SLC38A4: variants seen among roughly 807,000 people sequenced by gnomAD.
The protein encoded by SLC38A4 is solute carrier family 38 member 4.
In SLC38A4, 20 loss-of-function variants were observed where a neutral mutation model predicts 63.1. The observed-to-expected ratio is 0.32, with a 90% CI of 0.22 to 0.46. The LOEUF (loss-of-function observed/expected upper bound fraction) is 0.46. Ranked by LOEUF, SLC38A4 falls within the 20% of genes least tolerant of loss-of-function variation. SLC38A4 has a pLI of 1.00. For missense variants in SLC38A4, 526 were observed against 663.6 expected (o/e 0.79, Z 2.28); for synonymous variants, 230 against 225.5 (o/e 1.02, Z -0.18).
chr12:46,778,647 C>T lies in SLC38A4; in HGVS notation c.847G>A (p.Val283Met). Residue 283 changes from valine (V) to methionine (M), a missense_variant, in exon 11 of 17, where the codon GTG (valine) becomes ATG (methionine). Val to Met is a conservative substitution (Grantham distance 21). Coordinates refer to ENST00000266579, the MANE Select transcript of SLC38A4 (RefSeq NM_018018.5). ...MLPNNSESSD[V>M]NFMMDYTHRN... ...TGGGTGTAATCCATCATGAAGTTCACATCAGAACTCTCAGAGTTGTTGGGT... is the reference window on the plus strand; with the variant it reads ...TGGGTGTAATCCATCATGAAGTTCATATCAGAACTCTCAGAGTTGTTGGGT... 2.5e-6 allele frequency: 4 copies of T among 1,613,034 alleles called. No individual in the cohort carries two copies. The highest frequency in any genetic ancestry group is 3.4e-6 in the Non-Finnish European group (4 of 1,179,408).
upstream of SLC38A4, among the ~76,000 whole-genome samples, chr12:46,830,044 C>A (rs1939708166): frequency 6.6e-6 from 1 of 151,076 alleles, no homozygotes; most frequent in African/African-American, 2.4e-5. Flanking sequence ...TCAGACCAGC[C>A]TCCAGCTTGC....
intron 4 of SLC38A4, 77 bp downstream of exon 4, chr12:46,788,451 A>G (rs780639566): frequency 1.2e-5 from 14 of 1,189,058 alleles, no homozygotes; most frequent in Non-Finnish European, 1.7e-5. Flanking sequence ...TTTCAGTCAC[A>G]TTGTTTTCCC....
At chr12:46,788,114 G>T in intron 4 of SLC38A4, 83 bp from the exon 5 acceptor site, 2 of 949,054 alleles carry the variant, frequency 2.1e-6, no homozygotes, top group South Asian at 1.6e-5. Context: ...CACATTATCT[G>T]CAGATTACAG....
intron 2 of SLC38A4, among the ~76,000 whole-genome samples, chr12:46,795,426 T>C (rs150448466): frequency 1.8e-4 from 27 of 152,234 alleles, no homozygotes; most frequent in African/African-American, 6.0e-4. Context: ...TGTATTTGAC[T>C]ACATAATAAG....
At chr12:46,776,726 C>A (rs1403714004) in intron 13 of SLC38A4, among the ~76,000 whole-genome samples, 178 bp downstream of exon 13, 1 of 151,936 alleles carries the variant, frequency 6.6e-6, no homozygotes, top group South Asian at 2.1e-4. Flanking sequence ...GTTAGCCAGG[C>A]TGAATCAGGC....
At chr12:46,819,003 G>C (rs550780685) in intron 1 of SLC38A4, among the ~76,000 whole-genome samples, 1 of 151,606 alleles carries the variant, frequency 6.6e-6, no homozygotes, top group Non-Finnish European at 1.5e-5. Context: ...GGCAACAGAA[G>C]AAGAAATGAC....
intron 2 of SLC38A4, among the ~76,000 whole-genome samples, chr12:46,801,776 T>C (rs924500550): frequency 1.3e-5 from 2 of 152,054 alleles, no homozygotes; most frequent in African/African-American, 4.8e-5. Flanking sequence ...TCCCCAACAA[T>C]GCCATTCTTG....
intron 1 of SLC38A4, among the ~76,000 whole-genome samples, chr12:46,819,913 A>G (rs930196460): frequency 6.6e-6 from 1 of 151,948 alleles, no homozygotes; most frequent in Non-Finnish European, 1.5e-5. Flanking sequence ...TTGTGCCATT[A>G]TAGATGAAAT....
upstream of SLC38A4, among the ~76,000 whole-genome samples, chr12:46,826,178 G>A (rs1038418094): frequency 6.6e-6 from 1 of 152,214 alleles, no homozygotes; most frequent in Non-Finnish European, 1.5e-5. Context: ...AGTACCGCGA[G>A]TGTACCCAGT....
At chr12:46,826,168 A>G (rs1488445783), upstream of SLC38A4, among the ~76,000 whole-genome samples, 1 of 152,232 alleles carries the variant, frequency 6.6e-6, no homozygotes. Flanking sequence ...ACATCTTTAT[A>G]GTACCGCGAG....
At chr12:46,783,994 A>G (rs1938703148) in intron 7 of SLC38A4, among the ~76,000 whole-genome samples, 1 of 151,948 alleles carries the variant, frequency 6.6e-6, no homozygotes, top group Admixed American at 6.6e-5. Flanking sequence ...ATTCAGTGGG[A>G]ATTATAAGAA....
intron 2 of SLC38A4, among the ~76,000 whole-genome samples, chr12:46,801,894 C>T (rs1473253404): frequency 6.6e-6 from 1 of 152,026 alleles, no homozygotes; most frequent in East Asian, 1.9e-4. Flanking sequence ...AAGAAACCAA[C>T]AATAACAGCA....
At chr12:46,829,384 A>G (rs1939700667), upstream of SLC38A4, among the ~76,000 whole-genome samples, 1 of 152,050 alleles carries the variant, frequency 6.6e-6, no homozygotes, top group Non-Finnish European at 1.5e-5. Flanking sequence ...GTTTTGATGT[A>G]TATAAAATAT....
intron 1 of SLC38A4, among the ~76,000 whole-genome samples, chr12:46,816,113 A>ACTTTTTCTTTTAAAGAAAC (rs1939437524): frequency 6.6e-6 from 1 of 151,924 alleles, no homozygotes; most frequent in African/African-American, 2.4e-5. Context: ...GATAAAGAAA[A>ACTTTTTCTTTTAAAGAAAC]CTTTTTCTTT....
At chr12:46,814,155 G>A (rs560465903) in intron 1 of SLC38A4, among the ~76,000 whole-genome samples, 2 of 152,016 alleles carry the variant, frequency 1.3e-5, no homozygotes, top group South Asian at 4.1e-4. Flanking sequence ...AATGACATTA[G>A]CAAAATAGAT....
intron 14 of SLC38A4, among the ~76,000 whole-genome samples, chr12:46,771,154 C>CA (rs1938408102): frequency 6.6e-6 from 1 of 152,058 alleles, no homozygotes; most frequent in African/African-American, 2.4e-5. Context: ...CTGAGGAAAG[C>CA]AAATGGTGTG....
At chr12:46,830,330 A>T (rs1939714521), upstream of SLC38A4, among the ~76,000 whole-genome samples, 1 of 145,172 alleles carries the variant, frequency 6.9e-6, no homozygotes, top group African/African-American at 2.6e-5. Flanking sequence ...ACACACACAC[A>T]CTCTTCTTGT....
At chr12:46,812,167 G>A (rs1351757453) in intron 1 of SLC38A4, among the ~76,000 whole-genome samples, 2 of 152,046 alleles carry the variant, frequency 1.3e-5, no homozygotes, top group South Asian at 4.1e-4. Context: ...ACAGTTGAAA[G>A]ACTGATATGT....
intron 2 of SLC38A4, among the ~76,000 whole-genome samples, chr12:46,797,099 G>C (rs1239114255): frequency 6.6e-6 from 1 of 152,016 alleles, no homozygotes; most frequent in African/African-American, 2.4e-5. Flanking sequence ...TTCATTGCTT[G>C]ACTTCCTTAA....
Sources: allele counts gnomAD v4.1 joint callset (sites outside exome capture counted in the v4.1 genomes callset), GRCh38; gene constraint gnomAD v4.1.1; transcripts MANE v1.5; gene names NCBI Gene and HGNC (gene_info 2026-07-23, HGNC 2026-07-21).